The following MAF variants were observed in gnomAD, a reference collection of about 807,000 sequenced individuals.
MAF encodes MAF bZIP transcription factor.
In MAF, 10 loss-of-function variants were observed where a neutral mutation model predicts 22.0. The ratio of observed to expected loss-of-function variants is 0.45; its 90% CI spans 0.28 to 0.77. MAF has a LOEUF of 0.77. Among genes scored for constraint, MAF ranks in the 30% least tolerant of loss-of-function variants. The pLI, the probability that MAF is intolerant of heterozygous loss-of-function variation, is 0.12. For synonymous variants in MAF, 337 were observed against 255.8 expected (o/e 1.32, Z -3.03); for missense variants, 544 against 548.4 (o/e 0.99, Z 0.08).
chr16:79,457,513 C>T, the MAF span, among the ~76,000 whole-genome samples: 4 of 151,258 alleles, frequency 2.6e-5, no homozygotes, highest in African/African-American at 9.7e-5. Flanking sequence ...TTTCATTCAA[C>T]CATGTCAGCA....
chr16:79,319,671 T>G, the MAF span, among the ~76,000 whole-genome samples: 6 of 151,614 alleles, frequency 4.0e-5, no homozygotes, highest in African/African-American at 1.5e-4. Flanking sequence ...TTGATTTATG[T>G]ATTTGCATAT....
At chr16:79,382,548 T>C in the MAF span, among the ~76,000 whole-genome samples, 3 of 152,188 alleles carry the variant, frequency 2.0e-5, no homozygotes, top group Non-Finnish European at 1.5e-5. Flanking sequence ...CCATACCCTA[T>C]ACAAATAACG....
At chr16:79,391,860 AAGG>A in the MAF span, among the ~76,000 whole-genome samples, 4 of 144,906 alleles carry the variant, frequency 2.8e-5, no homozygotes, top group South Asian at 2.2e-4. Flanking sequence ...GAGAGAGAAG[AAGG>A]AGGAGGAGAA....
At chr16:79,255,571 A>C in the MAF span, among the ~76,000 whole-genome samples, 1 of 152,236 alleles carries the variant, frequency 6.6e-6, no homozygotes. Context: ...CTTGGAGCTC[A>C]TCTTGAGGGC....
At chr16:79,248,071 G>C in the MAF span, among the ~76,000 whole-genome samples, 3 of 152,000 alleles carry the variant, frequency 2.0e-5, no homozygotes, top group Admixed American at 6.6e-5. Context: ...ATAAACCTCA[G>C]AGAAGGTTCA....
At chr16:79,489,438 G>A in the MAF span, among the ~76,000 whole-genome samples, 3 of 152,338 alleles carry the variant, frequency 2.0e-5, no homozygotes, top group South Asian at 2.1e-4. Context: ...ATAAAGCTGA[G>A]TAAGAGGAGT....
the MAF span, chr16:79,204,254 T>G: frequency 6.6e-6 from 1 of 152,072 alleles, no homozygotes; most frequent in Admixed American, 6.6e-5. Context: ...ATATAAGACA[T>G]CATCAACAAT....
the MAF span, among the ~76,000 whole-genome samples, chr16:79,324,268 T>G: frequency 3.9e-5 from 6 of 152,204 alleles, no homozygotes; most frequent in Admixed American, 1.3e-4. Context: ...AAACAGAACC[T>G]GTTGGTATTA....
At chr16:79,327,100 A>C in the MAF span, among the ~76,000 whole-genome samples, 1 of 152,354 alleles carries the variant, frequency 6.6e-6, no homozygotes, top group South Asian at 2.1e-4. Context: ...GGCATGCAGT[A>C]CAGGGGAAAT....
the MAF span, among the ~76,000 whole-genome samples, chr16:79,483,481 G>A: frequency 4.6e-5 from 7 of 151,266 alleles, no homozygotes; most frequent in Admixed American, 2.0e-4. Context: ...GGACAGGCCC[G>A]GAGGGGAAGC....
chr16:79,484,724 G>T, the MAF span, among the ~76,000 whole-genome samples: 1 of 152,234 alleles, frequency 6.6e-6, no homozygotes. Context: ...CTGGCCTGCT[G>T]GTGATGATAC....
the MAF span, among the ~76,000 whole-genome samples, chr16:79,428,416 T>C: frequency 6.4e-4 from 97 of 152,312 alleles, 1 homozygote; most frequent in African/African-American, 2.3e-3. Context: ...AAGGACAATG[T>C]TGCACGGGAC....
the MAF span, among the ~76,000 whole-genome samples, chr16:79,499,635 C>T: frequency 6.6e-6 from 1 of 152,126 alleles, no homozygotes; most frequent in Non-Finnish European, 1.5e-5. Flanking sequence ...TCCCTTCCCC[C>T]ATATGAAGAC....
the MAF span, among the ~76,000 whole-genome samples, chr16:79,239,864 G>A: frequency 6.6e-6 from 1 of 152,044 alleles, no homozygotes; most frequent in South Asian, 2.1e-4. Flanking sequence ...ATGGGCTGAA[G>A]AAGCACAGCC....
downstream of MAF, among the ~76,000 whole-genome samples, chr16:79,589,612 A>AG (rs1267265595): frequency 2.0e-5 from 3 of 152,160 alleles, no homozygotes; most frequent in African/African-American, 7.2e-5. Flanking sequence ...GGGTGGAGTG[A>AG]GGGGGTCTCA....
the MAF span, among the ~76,000 whole-genome samples, chr16:79,210,567 C>T: frequency 1.3e-5 from 2 of 152,246 alleles, no homozygotes; most frequent in Admixed American, 1.3e-4. Context: ...CTTGCAACCC[C>T]TCTCCCTCTC....
At chr16:79,511,289 G>A in the MAF span, among the ~76,000 whole-genome samples, 1 of 151,952 alleles carries the variant, frequency 6.6e-6, no homozygotes, top group African/African-American at 2.4e-5. Flanking sequence ...CCCCCAACAC[G>A]TCATTCTCAT....
chr16:79,419,455 TCA>T, the MAF span, among the ~76,000 whole-genome samples: 1 of 152,236 alleles, frequency 6.6e-6, no homozygotes, highest in African/African-American at 2.4e-5. Flanking sequence ...GATTCTGTCC[TCA>T]GTCGCCTTAC....
chr16:79,560,886 G>T, the MAF span, among the ~76,000 whole-genome samples: 6 of 152,160 alleles, frequency 3.9e-5, no homozygotes, highest in Non-Finnish European at 5.9e-5. Context: ...CACAGAGCAG[G>T]ACTACCTAAC....
Sources: gnomAD v4.1 joint callset for allele counts (sites outside exome capture counted in the v4.1 genomes callset) on GRCh38, gnomAD v4.1.1 for gene constraint, MANE v1.5 for transcripts, NCBI Gene and HGNC (gene_info 2026-07-23, HGNC 2026-07-21) for gene names.